The following SORCS1 variants were observed in gnomAD, a reference collection of about 807,000 sequenced individuals.
The protein encoded by SORCS1 is sortilin related VPS10 domain containing receptor 1.
In SORCS1, 60 loss-of-function variants were observed where a neutral mutation model predicts 146.1. The ratio of observed to expected loss-of-function variants is 0.41; its 90% CI spans 0.33 to 0.51. The LOEUF is 0.51. Among genes scored for constraint, SORCS1 ranks in the 20% least tolerant of loss-of-function variants. The pLI is 0.21. For missense variants in SORCS1, 1,352 were observed against 1,487.6 expected (o/e 0.91, Z 1.50); for synonymous variants, 637 against 584.0 (o/e 1.09, Z -1.31).
intron 5 of SORCS1, among the ~76,000 whole-genome samples, chr10:106,746,354 T>C (rs1008317532): frequency 2.6e-5 from 4 of 152,236 alleles, no homozygotes; most frequent in African/African-American, 9.6e-5. Context: ...AATTCTAAAA[T>C]TATTTTTAAA....
At chr10:106,581,364 C>G in intron 24 of SORCS1, among the ~76,000 whole-genome samples, 1 of 148,532 alleles carries the variant, frequency 6.7e-6, no homozygotes, top group Non-Finnish European at 1.5e-5. Flanking sequence ...CACACACTTT[C>G]TATATACTCA....
At chr10:106,849,227 C>T (rs2137247181) in intron 2 of SORCS1, among the ~76,000 whole-genome samples, 1 of 151,172 alleles carries the variant, frequency 6.6e-6, no homozygotes, top group East Asian at 1.9e-4. Context: ...GTACACCAAT[C>T]AGATGTAGAT....
At chr10:106,894,503 A>G (rs982973012) in intron 2 of SORCS1, among the ~76,000 whole-genome samples, 1 of 152,198 alleles carries the variant, frequency 6.6e-6, no homozygotes, top group Non-Finnish European at 1.5e-5. Context: ...AGGTCCTAAA[A>G]GAAGTAGATA....
chr10:106,709,201 A>G, intron 7 of SORCS1, 22 bp downstream of exon 7: 2 of 1,554,752 alleles, frequency 1.3e-6, no homozygotes, highest in Non-Finnish European at 1.8e-6. Context: ...TGAGACAATC[A>G]ACAGAAGTGG....
intron 13 of SORCS1, among the ~76,000 whole-genome samples, chr10:106,676,450 G>T (rs1326588073): frequency 1.3e-5 from 2 of 152,186 alleles, no homozygotes; most frequent in African/African-American, 2.4e-5. Flanking sequence ...AACTCCAGGA[G>T]ATGTTATTTG....
At chr10:107,014,191 G>A (rs1022382977) in intron 1 of SORCS1, among the ~76,000 whole-genome samples, 6 of 151,004 alleles carry the variant, frequency 4.0e-5, no homozygotes, top group Non-Finnish European at 5.9e-5. Flanking sequence ...GGCAGAGGTT[G>A]CGGTGAGCCA....
chr10:106,699,439 C>T (rs1853963612), intron 8 of SORCS1, 46 bp from the exon 9 acceptor site: 2 of 1,526,284 alleles, frequency 1.3e-6, no homozygotes, highest in Admixed American at 2.0e-5. Context: ...GAGTTTTATA[C>T]ATTAACCTGG....
intron 6 of SORCS1, among the ~76,000 whole-genome samples, chr10:106,725,269 G>A (rs1856066758): frequency 6.6e-6 from 1 of 152,136 alleles, no homozygotes; most frequent in Non-Finnish European, 1.5e-5. Flanking sequence ...AATGAATGGG[G>A]TCGGGCGCAG....
intron 19 of SORCS1, among the ~76,000 whole-genome samples, chr10:106,624,391 C>T (rs755341798): frequency 6.3e-4 from 66 of 104,966 alleles, no homozygotes; most frequent in Admixed American, 3.7e-3. Flanking sequence ...GACGGAGTTT[C>T]GCTCTGTCAC....
chr10:107,067,515 C>T (rs1232170096), intron 1 of SORCS1, among the ~76,000 whole-genome samples: 1 of 152,038 alleles, frequency 6.6e-6, no homozygotes, highest in African/African-American at 2.4e-5. Flanking sequence ...TTTTTGTATG[C>T]ATATAACTAT....
intron 2 of SORCS1, among the ~76,000 whole-genome samples, chr10:106,891,419 ATATG>A (rs1175215485): frequency 2.6e-5 from 4 of 151,684 alleles, no homozygotes; most frequent in African/African-American, 9.7e-5. Context: ...GGTATCAAAT[ATATG>A]AATGAATGGA....
chr10:107,109,421 C>T (rs886663091), intron 1 of SORCS1, among the ~76,000 whole-genome samples: 2 of 152,222 alleles, frequency 1.3e-5, no homozygotes, highest in African/African-American at 2.4e-5. Context: ...GCCACCAAGG[C>T]GTATGACTTG....
At chr10:107,015,919 CTT>C (rs888046306) in intron 1 of SORCS1, among the ~76,000 whole-genome samples, 81 of 152,280 alleles carry the variant, frequency 5.3e-4, no homozygotes, top group Middle Eastern at 3.4e-3. Context: ...AAATCTCTGA[CTT>C]TATCACTATA....
At chr10:107,090,417 G>T (rs2134303804) in intron 1 of SORCS1, among the ~76,000 whole-genome samples, 1 of 152,262 alleles carries the variant, frequency 6.6e-6, no homozygotes, top group Non-Finnish European at 1.5e-5. Flanking sequence ...GAGCACAGAG[G>T]AGTTTGGACT....
At chr10:106,898,364 A>G (rs1216942238) in intron 2 of SORCS1, among the ~76,000 whole-genome samples, 8 of 152,076 alleles carry the variant, frequency 5.3e-5, no homozygotes, top group Admixed American at 1.3e-4. Context: ...CTGACAGCCA[A>G]CATCGGCAGG....
chr10:106,763,401 C>G (rs1859299971), intron 4 of SORCS1, among the ~76,000 whole-genome samples: 2 of 152,208 alleles, frequency 1.3e-5, no homozygotes, highest in African/African-American at 4.8e-5. Flanking sequence ...CTTCAAAGAG[C>G]AACTTTGTTA....
At chr10:106,936,901 T>C (rs1953749190) in intron 2 of SORCS1, among the ~76,000 whole-genome samples, 1 of 152,246 alleles carries the variant, frequency 6.6e-6, no homozygotes, top group Non-Finnish European at 1.5e-5. Flanking sequence ...ACTCTACTTC[T>C]GATAAACTTA....
chr10:106,860,287 C>T (rs1405677048), intron 2 of SORCS1, among the ~76,000 whole-genome samples: 1 of 152,130 alleles, frequency 6.6e-6, no homozygotes, highest in Non-Finnish European at 1.5e-5. Context: ...ATCTTTTTAG[C>T]TTTGTGACAT....
chr10:106,850,419 A>C (rs1182015943), intron 2 of SORCS1, among the ~76,000 whole-genome samples: 1 of 152,192 alleles, frequency 6.6e-6, no homozygotes, highest in Admixed American at 6.5e-5. Flanking sequence ...TTCCCAGGTG[A>C]GGCAATGCCT....
Sources: allele counts gnomAD v4.1 joint callset (sites outside exome capture counted in the v4.1 genomes callset), GRCh38; gene constraint gnomAD v4.1.1; transcripts MANE v1.5; gene names NCBI Gene and HGNC (gene_info 2026-07-23, HGNC 2026-07-21).